The following LANCL2 variants were observed in gnomAD, a reference collection of about 807,000 sequenced individuals.
The protein encoded by LANCL2 is lanC-like protein 2.
LANCL2 carries 33 observed loss-of-function variants against 56.9 expected under a neutral mutation model. That is an observed-to-expected ratio of 0.58 (90% confidence interval 0.44 to 0.78). LANCL2 has a LOEUF of 0.78. Among genes scored for constraint, LANCL2 ranks in the 30% least tolerant of loss-of-function variants. LANCL2 has a pLI of 0.00. For synonymous variants in LANCL2, 233 were observed against 228.2 expected (o/e 1.02, Z -0.19); for missense variants, 562 against 580.2 (o/e 0.97, Z 0.32).
At chr7:55,368,119 T>C (rs188615211) in intron 1 of LANCL2, among the ~76,000 whole-genome samples, 1 of 152,332 alleles carries the variant, frequency 6.6e-6, no homozygotes, top group Non-Finnish European at 1.5e-5. Context: ...AATGAACTCT[T>C]GACATGAGAA....
At position 55,433,726 on chromosome 7, in the gene LANCL2, G is replaced by A. The variant is rs985011465; in HGVS notation, c.*2406G>A. 14 of 152,194 alleles carry A rather than the reference G, an allele frequency of 9.2e-5. No homozygotes were observed. The highest frequency in any genetic ancestry group is 2.9e-4 in the African/African-American group (12 of 41,440). The allele number at this position is 152,194 out of a possible 1,614,324, so 9.4% of individuals were successfully genotyped here. A position where few individuals can be genotyped will look rare whatever the true frequency, so the allele number is the denominator to read the frequency against. ...TTTTGTTAGTAAAAGCCAGTTCTGT[G>A]GTGATGACCTATGGAATCGTCATTC... is the stretch of plus-strand genomic sequence containing the variant. On this transcript the variant is annotated 3_prime_UTR_variant, in exon 9 of 9. Transcript: ENST00000254770.
rs569735533 is a variant in LANCL2, at chr7:55,411,545, G to A, written c.826-362G>A. On this transcript the variant is annotated intron_variant, in intron 5 of 8. Transcript: ENST00000254770. The stretch of plus-strand genomic sequence containing the variant: ...AGATTTGGGAGAAGAGGGGTACCTG[G>A]CTTTTTAGGAGGTGTGAGCCCCATG... 515 of 168,124 alleles carry A rather than the reference G, an allele frequency of 3.1e-3. 4 individuals are homozygous for A. The highest frequency in any genetic ancestry group is 0.012 in the African/African-American group (502 of 42,082). The allele number at this position is 168,124 out of a possible 1,614,324, so 10.4% of individuals were successfully genotyped here.
At chr7:55,423,223 G>A (rs1033831743) in intron 6 of LANCL2, among the ~76,000 whole-genome samples, 1 of 152,256 alleles carries the variant, frequency 6.6e-6, no homozygotes, top group Non-Finnish European at 1.5e-5. Context: ...GAGCATGAGT[G>A]TATGTGGTGG....
At position 55,393,654 on chromosome 7, in the gene LANCL2, C is replaced by T. The variant is rs528096613; in HGVS notation, c.322+1744C>T. ...AATATTGTATTTGTATTTATATTTACATTCATTTTTGTGAATATTGTATTT... is the reference window on the plus strand; with the variant it reads ...AATATTGTATTTGTATTTATATTTATATTCATTTTTGTGAATATTGTATTT... On this transcript the variant is annotated intron_variant, in intron 2 of 8. Transcript: ENST00000254770. Among the ~76,000 whole-genome samples the T allele has an allele frequency of 9.2e-5, 14 of 152,172 alleles. No individual in the cohort carries two copies. The South Asian group carries it at 2.5e-3, about 27-fold the overall frequency.
chr7:55,408,491 C>T (rs964556753), intron 5 of LANCL2, among the ~76,000 whole-genome samples: 6 of 152,022 alleles, frequency 3.9e-5, no homozygotes, highest in Non-Finnish European at 8.8e-5. Context: ...CACAGTGAAA[C>T]CCCGTCTCTA....
intron 6 of LANCL2, among the ~76,000 whole-genome samples, chr7:55,423,155 T>G (rs936532825): frequency 4.6e-5 from 7 of 152,214 alleles, no homozygotes; most frequent in East Asian, 1.9e-4. Flanking sequence ...GTCCAGGAGC[T>G]TTTTTCTATA....
chr7:55,395,168 C>G (rs1319190277), intron 2 of LANCL2, among the ~76,000 whole-genome samples: 1 of 151,904 alleles, frequency 6.6e-6, no homozygotes, highest in African/African-American at 2.4e-5. Context: ...GGGATTTGTC[C>G]TATTAATAGT....
intron 2 of LANCL2, chr7:55,396,855 G>A (rs1583752303): frequency 6.6e-6 from 1 of 152,118 alleles, no homozygotes. Context: ...ATACTCATTT[G>A]TAAGCCTTTA....
Position 55,391,869 on chromosome 7 carries a change from C to T in LANCL2, c.281C>T (p.Thr94Ile), listed in dbSNP as rs758994608. The change falls in exon 2 of 9, where the codon ACA becomes ATA. Residue 94 changes from threonine to isoleucine, a missense_variant. Thr to Ile is a moderately conservative substitution (Grantham distance 89). Coordinates refer to ENST00000254770, the MANE Select transcript of LANCL2 (RefSeq NM_018697.4). ...LLQQMEEGLK[T>I]ADPHDCSAYT... ...CAGCAAATGGAAGAAGGGCTGAAGACAGCTGATCCCCATGACTGCTCTGCT... is the reference window on the plus strand; with the variant it reads ...CAGCAAATGGAAGAAGGGCTGAAGATAGCTGATCCCCATGACTGCTCTGCT... 8.1e-6 allele frequency: 13 copies of T among 1,612,162 alleles called. No homozygotes were observed. The highest frequency in any genetic ancestry group is 3.3e-5 in the Admixed American group (2 of 59,972).
intron 2 of LANCL2, among the ~76,000 whole-genome samples, chr7:55,395,163 T>C (rs1255763756): frequency 6.6e-6 from 1 of 152,202 alleles, no homozygotes; most frequent in Non-Finnish European, 1.5e-5. Context: ...TTCCAGGGAT[T>C]TGTCCTATTA....
chr7:55,372,828 T>C (rs1158448241), intron 1 of LANCL2, among the ~76,000 whole-genome samples: 2 of 152,202 alleles, frequency 1.3e-5, no homozygotes. Context: ...CTAAGGAAAA[T>C]ATGGTTAGAT....
intron 1 of LANCL2, among the ~76,000 whole-genome samples, chr7:55,370,307 G>T (rs1789928945): frequency 6.6e-6 from 1 of 152,192 alleles, no homozygotes; most frequent in Non-Finnish European, 1.5e-5. Context: ...TGCAGTCATT[G>T]TATTTATTAT....
chr7:55,398,382 A>T, intron 2 of LANCL2, 41 bp from the exon 3 acceptor site: 1 of 1,420,244 alleles, frequency 7.0e-7, no homozygotes, highest in Non-Finnish European at 1.0e-6. Context: ...TAAAAGGAAA[A>T]GATAATAATG....
rs150882914 is a variant in LANCL2 at position 55,370,244 on chromosome 7, C to G, written c.204+4015C>G. On this transcript the variant is annotated intron_variant, in intron 1 of 8. Coordinates refer to ENST00000254770, the MANE Select transcript of LANCL2 (RefSeq NM_018697.4). ...CCTCATGACATAGTGGCTGTCTTCC[C>G]TGAGACTGAGTGATCAAAGAGAAAA... Among the ~76,000 whole-genome samples the G allele has an allele frequency of 2.6e-5, 4 of 152,274 alleles. No individual in the cohort carries two copies. In the East Asian group the frequency reaches 5.8e-4, roughly 22 times the overall value.
At chr7:55,395,840 CA>C (rs1241277026) in intron 2 of LANCL2, among the ~76,000 whole-genome samples, 6 of 152,220 alleles carry the variant, frequency 3.9e-5, no homozygotes, top group Non-Finnish European at 4.4e-5. Context: ...CGCTTCACAT[CA>C]TGGATGAGTT....
chr7:55,429,897 CAG>C (rs1338775775), intron 8 of LANCL2, among the ~76,000 whole-genome samples: 1 of 152,276 alleles, frequency 6.6e-6, no homozygotes, highest in Non-Finnish European at 1.5e-5. Flanking sequence ...AAATTCCCGT[CAG>C]GGGACGGAGG....
chr7:55,421,698 A>C (rs182822112), intron 6 of LANCL2, among the ~76,000 whole-genome samples: 1 of 152,004 alleles, frequency 6.6e-6, no homozygotes, highest in African/African-American at 2.4e-5. Context: ...CTAATGCTAT[A>C]GGGGTTGCAA....
In LANCL2 at chr7:55,431,596, A is replaced by C. The variant is rs1465344728; in HGVS notation, c.*276A>C. The C allele has an allele frequency of 2.8e-6, 1 of 352,780 alleles. No individual in the cohort carries two copies. The highest frequency in any genetic ancestry group is 2.1e-5 in the African/African-American group (1 of 47,816). The allele number at this position is 352,780 out of a possible 1,614,324, so 21.9% of individuals were successfully genotyped here. On this transcript the variant is annotated 3_prime_UTR_variant, in exon 9 of 9. Coordinates refer to ENST00000254770, the MANE Select transcript of LANCL2 (RefSeq NM_018697.4). Reference sequence around the variant, plus strand: ...CCAGGTGTAAGCTGTTTTAAATGGAAGGCCCTTCTATTCCTGAGGGCTCAG... The same window carrying C: ...CCAGGTGTAAGCTGTTTTAAATGGACGGCCCTTCTATTCCTGAGGGCTCAG...
chr7:55,400,933 T>C (rs1270334895), intron 4 of LANCL2, among the ~76,000 whole-genome samples: 3 of 152,200 alleles, frequency 2.0e-5, no homozygotes, highest in African/African-American at 7.2e-5. Context: ...TGCAAAGAAT[T>C]TTTTATTTCT....
Sources: allele counts gnomAD v4.1 joint callset (sites outside exome capture counted in the v4.1 genomes callset), GRCh38; gene constraint gnomAD v4.1.1; transcripts MANE v1.5; gene names NCBI Gene and HGNC (gene_info 2026-07-23, HGNC 2026-07-21).